The following NCKAP5 variants were observed in gnomAD, a reference collection of about 807,000 sequenced individuals.
The protein encoded by NCKAP5 is NCK associated protein 5, also known as nck-associated protein 5.
Under a neutral mutation model 167.0 loss-of-function variants are expected in NCKAP5, and 92 were observed. The ratio of observed to expected loss-of-function variants is 0.55; its 90% CI spans 0.47 to 0.66. The LOEUF (loss-of-function observed/expected upper bound fraction) is 0.66, where lower values mean the gene tolerates loss of function less well. NCKAP5 is among the 30% of genes least tolerant of loss of function. The pLI, the probability that NCKAP5 is intolerant of heterozygous loss-of-function variation, is 0.00. For missense variants in NCKAP5, 2,378 were observed against 2,315.0 expected (o/e 1.03, Z -0.56); for synonymous variants, 891 against 877.4 (o/e 1.02, Z -0.27).
At chr2:133,008,580 T>C (rs566349056) in intron 6 of NCKAP5, among the ~76,000 whole-genome samples, 2 of 152,308 alleles carry the variant, frequency 1.3e-5, no homozygotes, top group East Asian at 3.9e-4. Flanking sequence ...TTTCTTGTAG[T>C]GTTGGTAAAA....
chr2:133,440,709 CAAAAAAAAA>C (rs1174654151), intron 3 of NCKAP5, among the ~76,000 whole-genome samples: 8 of 32,694 alleles, frequency 2.4e-4, no homozygotes, highest in African/African-American at 7.1e-4. Context: ...GACTCTGTCT[CAAAAAAAAA>C]AAAAAAAAAA....
At chr2:132,732,433 A>AT (rs1691120348) in intron 16 of NCKAP5, among the ~76,000 whole-genome samples, 1 of 151,832 alleles carries the variant, frequency 6.6e-6, no homozygotes, top group South Asian at 2.1e-4. Flanking sequence ...TTAAAGTGTA[A>AT]TAAAAAAAAA....
chr2:133,546,846 T>C (rs1205741029), intron 2 of NCKAP5, among the ~76,000 whole-genome samples: 1 of 152,172 alleles, frequency 6.6e-6, no homozygotes, highest in Non-Finnish European at 1.5e-5. Flanking sequence ...CTTTGTCCAA[T>C]GCTTCAAAAG....
chr2:133,169,125 C>CG (rs2084129771), intron 5 of NCKAP5, among the ~76,000 whole-genome samples: 1 of 152,150 alleles, frequency 6.6e-6, no homozygotes, highest in Non-Finnish European at 1.5e-5. Context: ...ATAAAATAAA[C>CG]ATCATAAAGT....
intron 3 of NCKAP5, among the ~76,000 whole-genome samples, chr2:133,373,766 C>T (rs1030369864): frequency 2.0e-5 from 3 of 152,142 alleles, no homozygotes; most frequent in Admixed American, 6.5e-5. Flanking sequence ...CAGAAACAGA[C>T]CCATATAAAT....
chr2:132,863,997 A>G (rs1690142935), intron 10 of NCKAP5, among the ~76,000 whole-genome samples: 1 of 152,220 alleles, frequency 6.6e-6, no homozygotes, highest in South Asian at 2.1e-4. Flanking sequence ...ACTTTGACAT[A>G]AAGGAATGCA....
At chr2:133,592,042 T>C in the NCKAP5 span, among the ~76,000 whole-genome samples, 1 of 131,250 alleles carries the variant, frequency 7.6e-6, no homozygotes, top group African/African-American at 3.1e-5. Flanking sequence ...TTTTTAAAAA[T>C]ATAAATAGGA....
At chr2:133,595,383 C>T in the NCKAP5 span, among the ~76,000 whole-genome samples, 6 of 69,746 alleles carry the variant, frequency 8.6e-5, no homozygotes, top group East Asian at 8.6e-4. Context: ...CTTCTTCTTC[C>T]TCCTCCTCCT....
intron 6 of NCKAP5, among the ~76,000 whole-genome samples, chr2:133,021,003 TC>T (rs1298328593): frequency 6.6e-6 from 1 of 151,830 alleles, no homozygotes; most frequent in Non-Finnish European, 1.5e-5. Flanking sequence ...CAAAATAACC[TC>T]CCTCTCTGCC....
At chr2:133,613,445 C>T in the NCKAP5 span, among the ~76,000 whole-genome samples, 1 of 152,288 alleles carries the variant, frequency 6.6e-6, no homozygotes, top group East Asian at 1.9e-4. Flanking sequence ...ATAACAGTAG[C>T]TAAGTAGTAT....
chr2:132,774,474 TAG>T (rs1682373022), intron 15 of NCKAP5, among the ~76,000 whole-genome samples: 1 of 142,222 alleles, frequency 7.0e-6, no homozygotes, highest in African/African-American at 2.6e-5. Flanking sequence ...GTCATTTATC[TAG>T]ATATTTTTTT....
chr2:133,666,426 G>T, the NCKAP5 span, among the ~76,000 whole-genome samples: 10 of 151,824 alleles, frequency 6.6e-5, 1 homozygote, highest in Admixed American at 1.3e-4. Flanking sequence ...TCAAACTCCT[G>T]ACCTCAGGTG....
At position 132,880,988 on chromosome 2, in the gene NCKAP5, G is replaced by A. The variant is rs188504708; in HGVS notation, c.580-2072C>T. On this transcript the variant is annotated intron_variant, in intron 8 of 19. Transcript: ENST00000409261. ...ATCACAGTATAGTTGTTAATTTCAG[G>A]AAATATAGGAAATATAAATACAGTA... Among the ~76,000 whole-genome samples the A allele has an allele frequency of 6.7e-3, 1,023 of 152,132 alleles. 6 individuals are homozygous for A. The highest frequency in any genetic ancestry group is 7.9e-3 in the Non-Finnish European group (540 of 67,986).
chr2:133,056,777 T>C (rs889649008), intron 6 of NCKAP5, among the ~76,000 whole-genome samples: 2 of 152,244 alleles, frequency 1.3e-5, no homozygotes, highest in African/African-American at 4.8e-5. Flanking sequence ...AGACAGATCA[T>C]TCAGGCAATT....
chr2:132,671,864 G>A lies in NCKAP5; in HGVS notation c.*1425C>T, dbSNP rs1168690569. 6.6e-6 allele frequency: 1 copy of A among 152,580 alleles called. No individual in the cohort carries two copies. Among genetic ancestry groups the A allele is most frequent in the Non-Finnish European group, 1.5e-5 (1 of 68,012 alleles). The allele number at this position is 152,580 out of a possible 1,614,324, so 9.5% of individuals were successfully genotyped here. On this transcript the variant is annotated 3_prime_UTR_variant, in exon 20 of 20. Transcript: ENST00000409261. ...AGATTTTTTAAAGTCTGAAAGACAA[G>A]GACATTTTACATAATTTTCATTTAA...
At chr2:133,124,043 G>A (rs1414951377) in intron 6 of NCKAP5, among the ~76,000 whole-genome samples, 2 of 152,184 alleles carry the variant, frequency 1.3e-5, no homozygotes, top group African/African-American at 4.8e-5. Context: ...ACGACTCCTT[G>A]AAGTTCAGCA....
chr2:132,837,113 C>A (rs1040770002), intron 11 of NCKAP5, among the ~76,000 whole-genome samples: 1 of 152,150 alleles, frequency 6.6e-6, no homozygotes, highest in Non-Finnish European at 1.5e-5. Context: ...AATCAGACAT[C>A]GTTCAGTTTG....
At chr2:132,732,564 C>G (rs912837049) in intron 16 of NCKAP5, among the ~76,000 whole-genome samples, 1 of 152,070 alleles carries the variant, frequency 6.6e-6, no homozygotes, top group African/African-American at 2.4e-5. Flanking sequence ...ATAAGAAGAC[C>G]AGCCTGTTAC....
intron 5 of NCKAP5, among the ~76,000 whole-genome samples, chr2:133,154,574 C>A (rs903533979): frequency 2.6e-5 from 4 of 152,174 alleles, no homozygotes; most frequent in Non-Finnish European, 5.9e-5. Flanking sequence ...CTATAACTTA[C>A]CATGGCAATA....
Sources: gnomAD v4.1 joint callset for allele counts (sites outside exome capture counted in the v4.1 genomes callset) on GRCh38, gnomAD v4.1.1 for gene constraint, MANE v1.5 for transcripts, NCBI Gene and HGNC (gene_info 2026-07-23, HGNC 2026-07-21) for gene names.